PDIA3: variants seen among roughly 807,000 people sequenced by gnomAD.
PDIA3 encodes the protein protein disulfide-isomerase A3.
PDIA3 carries 16 observed loss-of-function variants against 56.9 expected under a neutral mutation model. The observed-to-expected ratio is 0.28, with a 90% confidence interval of 0.19 to 0.43. PDIA3 has a LOEUF of 0.43. Ranked by LOEUF, PDIA3 falls within the 20% of genes least tolerant of loss-of-function variation. PDIA3 has a pLI of 1.00. For missense variants in PDIA3, 485 were observed against 621.3 expected (o/e 0.78, Z 2.33); for synonymous variants, 192 against 216.5 (o/e 0.89, Z 0.99).
rs2086886759 is a variant in PDIA3, at chr15:43,772,379, G to C, written c.*1161G>C. Reference sequence around the variant, plus strand: ...TACAGTATTTAGCTGTCAATTTTAAGATGAATTTGGTAGAGCCTTATAGTA... The same window carrying C: ...TACAGTATTTAGCTGTCAATTTTAACATGAATTTGGTAGAGCCTTATAGTA... On this transcript the variant is annotated 3_prime_UTR_variant, in exon 13 of 13. Transcript: ENST00000300289. The C allele has an allele frequency of 6.6e-6, 1 of 152,216 alleles. No individual in the cohort carries two copies. Among genetic ancestry groups the C allele is most frequent in the Non-Finnish European group, 1.5e-5 (1 of 68,046 alleles). 9.4% of individuals were successfully genotyped at this position (152,216 alleles called of 1,614,324 possible). A position where few individuals can be genotyped will look rare whatever the true frequency, so the allele number is the denominator to read the frequency against.
chr15:43,770,438 G>T, intron 11 of PDIA3, 85 bp from the exon 12 acceptor site: 1 of 1,346,404 alleles, frequency 7.4e-7, no homozygotes, highest in South Asian at 1.2e-5. Context: ...GTTGAAGGCA[G>T]AACCACTGAT....
Position 43,746,472 on chromosome 15 carries a change from C to G in PDIA3, c.-68C>G, listed in dbSNP as rs1015066822. 4 of 1,374,482 alleles carry G rather than the reference C, an allele frequency of 2.9e-6. No homozygotes were observed. The highest frequency in any genetic ancestry group is 2.8e-5 in the East Asian group (1 of 36,036). The allele number at this position is 1,374,482 out of a possible 1,614,324, so 85.1% of individuals were successfully genotyped here. A position where few individuals can be genotyped will look rare whatever the true frequency, so the allele number is the denominator to read the frequency against. Reference sequence around the variant, plus strand: ...AGCGCAAGCAGCGGGTTAGTGGTCGCGCGCCCGACCTCCGCAGTCCCAGCC... The same window carrying G: ...AGCGCAAGCAGCGGGTTAGTGGTCGGGCGCCCGACCTCCGCAGTCCCAGCC... On this transcript the variant is annotated 5_prime_UTR_variant, in exon 1 of 13. Coordinates refer to ENST00000300289, the MANE Select transcript of PDIA3 (RefSeq NM_005313.5).
chr15:43,764,816 A>T (rs928064554), intron 5 of PDIA3, among the ~76,000 whole-genome samples: 20 of 152,176 alleles, frequency 1.3e-4, no homozygotes, highest in African/African-American at 4.8e-4. Context: ...CCCTTTTGAG[A>T]TAATGAAAAA....
At chr15:43,770,123 C>T in intron 10 of PDIA3, 127 bp from the exon 11 acceptor site, 2 of 725,706 alleles carry the variant, frequency 2.8e-6, no homozygotes. Context: ...GTGCGCACCA[C>T]CACACCCGGC....
chr15:43,751,871 T>C (rs2086746681), intron 1 of PDIA3: 1 of 710,150 alleles, frequency 1.4e-6, no homozygotes, highest in Non-Finnish European at 2.0e-6. Context: ...TTTTTTTCTC[T>C]TAAAATGTTT....
At chr15:43,758,892 G>C (rs1330700976) in intron 3 of PDIA3, among the ~76,000 whole-genome samples, 4 of 151,310 alleles carry the variant, frequency 2.6e-5, no homozygotes, top group African/African-American at 9.7e-5. Flanking sequence ...CAGGAGACTC[G>C]CTTGAACCTG....
In PDIA3 at chr15:43,771,887, A is replaced by G. The variant is rs2086884195; in HGVS notation, c.*669A>G. ...AAGGGCCTTTCTTGTTAGGCTGTCC[A>G]TGCCCTAAGGATGGGTTCCTGTTTA... On this transcript the variant is annotated 3_prime_UTR_variant, in exon 13 of 13. Coordinates refer to ENST00000300289, the MANE Select transcript of PDIA3 (RefSeq NM_005313.5). The G allele has an allele frequency of 5.8e-6, 2 of 347,100 alleles. No homozygotes were observed. Among genetic ancestry groups the G allele is most frequent in the South Asian group, 1.5e-4 (1 of 6,608 alleles). The allele number at this position is 347,100 out of a possible 1,614,324, so 21.5% of individuals were successfully genotyped here.
intron 10 of PDIA3, among the ~76,000 whole-genome samples, chr15:43,769,965 A>G (rs563638805): frequency 1.3e-5 from 2 of 152,300 alleles, no homozygotes; most frequent in East Asian, 3.9e-4. Context: ...AGCCCCTGTA[A>G]TGTCTTATTC....
chr15:43,766,133 G>T (rs1377704348), intron 7 of PDIA3, 121 bp downstream of exon 7: 32 of 445,208 alleles, frequency 7.2e-5, no homozygotes, highest in East Asian at 1.3e-4. Context: ...TTAAGAAGAG[G>T]TAAAAAAAAA....
chr15:43,765,846 A>G (rs755554013), intron 6 of PDIA3, 41 bp from the exon 7 acceptor site: 1 of 1,585,822 alleles, frequency 6.3e-7, no homozygotes, highest in South Asian at 1.2e-5. Flanking sequence ...ATATAGCTAA[A>G]AACTTGGCAA....
chr15:43,770,278 C>T lies in PDIA3; in HGVS notation c.1295C>T (p.Ala432Val), dbSNP rs199671931. 1 of 1,614,016 alleles carries T rather than the reference C, an allele frequency of 6.2e-7. No homozygotes were observed. The highest frequency in any genetic ancestry group is 2.2e-5 in the East Asian group (1 of 44,874). The change falls in exon 11 of 13, where the codon GCC becomes GTC. Residue 432 changes from alanine (A) to valine (V), a missense_variant. Coordinates refer to ENST00000300289, the MANE Select transcript of PDIA3 (RefSeq NM_005313.5). Reference protein sequence around the residue: ...KLSKDPNIVIAKMDATANDVP... With the variant: ...KLSKDPNIVIVKMDATANDVP... ...AGCAAAGACCCAAATATCGTCATAG[C>T]CAAGATGGATGCCACAGCCAATGAT...
At chr15:43,765,812 C>T in intron 6 of PDIA3, 75 bp from the exon 7 acceptor site, 1 of 1,448,874 alleles carries the variant, frequency 6.9e-7, no homozygotes, top group Non-Finnish European at 9.5e-7. Context: ...TAAATGCTAT[C>T]AATTATTTTG....
At chr15:43,752,574 A>T (rs1032948506) in intron 1 of PDIA3, among the ~76,000 whole-genome samples, 4 of 151,776 alleles carry the variant, frequency 2.6e-5, no homozygotes, top group African/African-American at 9.7e-5. Context: ...CATCTTATAC[A>T]CTCCTTTATC....
chr15:43,771,322 G>T lies in PDIA3; in HGVS notation c.*104G>T, dbSNP rs947905226. ...ATGGGAATTATTACCTCTCAGGGCCGAGAGGACAGAATGGATATAATCTGA... is the reference window on the plus strand; with the variant it reads ...ATGGGAATTATTACCTCTCAGGGCCTAGAGGACAGAATGGATATAATCTGA... On this transcript the variant is annotated 3_prime_UTR_variant, in exon 13 of 13. Transcript: ENST00000300289. 5.9e-6 allele frequency: 4 copies of T among 681,626 alleles called. No individual in the cohort carries two copies. The highest frequency in any genetic ancestry group is 7.7e-6 in the Non-Finnish European group (3 of 391,028). The allele number at this position is 681,626 out of a possible 1,614,324, so 42.2% of individuals were successfully genotyped here.
At chr15:43,752,616 ATACTT>A (rs2086751932) in intron 1 of PDIA3, among the ~76,000 whole-genome samples, 2 of 152,196 alleles carry the variant, frequency 1.3e-5, no homozygotes, top group African/African-American at 4.8e-5. Context: ...TGGTTCTTTT[ATACTT>A]TAATAGGCCG....
intron 2 of PDIA3, among the ~76,000 whole-genome samples, chr15:43,756,176 C>G: frequency 6.6e-6 from 1 of 152,124 alleles, no homozygotes; most frequent in East Asian, 1.9e-4. Context: ...CAAACTAGTT[C>G]AGGGTACGTG....
chr15:43,769,104 A>C (rs1403525401), intron 9 of PDIA3, among the ~76,000 whole-genome samples: 4 of 151,700 alleles, frequency 2.6e-5, no homozygotes, highest in African/African-American at 9.7e-5. Context: ...TTTTCTGATG[A>C]AATTTATATT....
In PDIA3 at chr15:43,766,894, A is replaced by G. The variant is rs756473375; in HGVS notation, c.1012A>G (p.Met338Val). ...IRTAKGEKFV[M>V]QEEFSRDGKA... ...AACTGCTAAAGGAGAGAAGTTTGTCATGCAGGAGGAGTTCTCGTGAGTTGC... is the reference window on the plus strand; with the variant it reads ...AACTGCTAAAGGAGAGAAGTTTGTCGTGCAGGAGGAGTTCTCGTGAGTTGC... Residue 338 changes from methionine to valine, a missense_variant, in exon 8 of 13, where the codon ATG (methionine) becomes GTG (valine). Transcript: ENST00000300289. The G allele has an allele frequency of 6.2e-7, 1 of 1,614,070 alleles. No homozygotes were observed. The highest frequency in any genetic ancestry group is 8.5e-7 in the Non-Finnish European group (1 of 1,180,012).
intron 10 of PDIA3, 114 bp downstream of exon 10, chr15:43,769,760 A>T (rs1567159984): frequency 1.5e-5 from 17 of 1,146,826 alleles, no homozygotes; most frequent in Non-Finnish European, 1.9e-5. Flanking sequence ...TTTTTTTCCC[A>T]ATTACTTGCT....
Sources: allele counts gnomAD v4.1 joint callset (sites outside exome capture counted in the v4.1 genomes callset), GRCh38; gene constraint gnomAD v4.1.1; transcripts MANE v1.5; gene names NCBI Gene and HGNC (gene_info 2026-07-23, HGNC 2026-07-21).